MSR1: variants seen among roughly 807,000 people sequenced by gnomAD.
The protein encoded by MSR1 is macrophage scavenger receptor 1, also known as macrophage scavenger receptor types I and II.
MSR1 carries 53 observed loss-of-function variants against 47.2 expected under a neutral mutation model. The observed-to-expected ratio is 1.12, with a 90% CI of 0.90 to 1.41. MSR1 has a LOEUF of 1.41. MSR1 is among the 40% of genes most tolerant of loss of function. MSR1 has a pLI of 0.00. For missense variants in MSR1, 786 were observed against 546.9 expected, an observed-to-expected ratio of 1.44 and a Z score of -4.36; for synonymous variants, 239 against 185.6, an observed-to-expected ratio of 1.29 and a Z score of -2.34.
intron 7 of MSR1, among the ~76,000 whole-genome samples, chr8:16,146,254 T>A (rs1326072970): frequency 6.6e-6 from 1 of 152,052 alleles, no homozygotes; most frequent in African/African-American, 2.4e-5. Flanking sequence ...CCTCACCTTA[T>A]AACCACTCAT....
chr8:16,164,563 A>G (rs995712961), intron 4 of MSR1, among the ~76,000 whole-genome samples: 2 of 151,938 alleles, frequency 1.3e-5, no homozygotes, highest in African/African-American at 4.8e-5. Flanking sequence ...AATAAACACC[A>G]TAAGGTCTTA....
intron 8 of MSR1, among the ~76,000 whole-genome samples, chr8:16,138,564 G>C (rs764859151): frequency 6.6e-6 from 1 of 152,060 alleles, no homozygotes. Flanking sequence ...ATTTAGTCTA[G>C]GATGTCAGAT....
intron 1 of MSR1, among the ~76,000 whole-genome samples, chr8:16,179,992 C>G (rs1801779980): frequency 6.6e-6 from 1 of 151,714 alleles, no homozygotes; most frequent in Non-Finnish European, 1.5e-5. Flanking sequence ...TCTCAGCTCA[C>G]TGCTACCATG....
chr8:16,138,459 A>G (rs1336249196), intron 8 of MSR1, among the ~76,000 whole-genome samples: 2 of 152,204 alleles, frequency 1.3e-5, no homozygotes, highest in Non-Finnish European at 2.9e-5. Flanking sequence ...AATAATTTGA[A>G]CAGGGCATTC....
intron 9 of MSR1, among the ~76,000 whole-genome samples, chr8:16,115,902 C>T (rs1170210687): frequency 2.6e-5 from 4 of 151,982 alleles, no homozygotes; most frequent in African/African-American, 4.8e-5. Flanking sequence ...GTGGGAGGAT[C>T]GCTTGAGAGC....
At position 16,164,244 on chromosome 8, in the gene MSR1, C is replaced by T. The variant is rs201900187; in HGVS notation, c.638G>A (p.Ser213Asn). Residue 213 changes from serine to asparagine, a missense_variant, in exon 5 of 10, where the codon AGT becomes AAT. Ser to Asn is a conservative substitution (Grantham distance 46). Transcript: ENST00000262101. ...ATTGTAAACACGCTCCTCTAATTTA[C>T]TGATTTCCTGTAAAACATAAGTGAG... is the stretch of plus-strand genomic sequence containing the variant. The part of the protein sequence containing the change: ...ENTFKQQEEI[S>N]KLEERVYNVS... The T allele has an allele frequency of 3.1e-5, 50 of 1,611,302 alleles. No homozygotes were observed. The East Asian group carries it at 1.1e-3, about 35-fold the overall frequency.
chr8:16,153,026 G>A (rs1800903187), intron 6 of MSR1, among the ~76,000 whole-genome samples: 1 of 151,946 alleles, frequency 6.6e-6, no homozygotes, highest in Admixed American at 6.6e-5. Flanking sequence ...ATCCACCCTA[G>A]TATATGAATA....
intron 7 of MSR1, among the ~76,000 whole-genome samples, chr8:16,147,551 C>A (rs1800734787): frequency 6.6e-6 from 1 of 152,182 alleles, no homozygotes; most frequent in Admixed American, 6.5e-5. Context: ...GTTTATATCA[C>A]AAATTGGGGT....
chr8:16,139,414 T>C, intron 8 of MSR1: 1 of 944,980 alleles, frequency 1.1e-6, no homozygotes. Context: ...GGTGTTAACA[T>C]GTTCATTATA....
At chr8:16,142,596 A>G (rs1246692243) in intron 8 of MSR1, among the ~76,000 whole-genome samples, 1 of 152,196 alleles carries the variant, frequency 6.6e-6, no homozygotes, top group East Asian at 1.9e-4. Flanking sequence ...TAAATATGTC[A>G]TACCTACACA....
intron 1 of MSR1, among the ~76,000 whole-genome samples, chr8:16,188,984 AT>A (rs1802083685): frequency 6.8e-6 from 1 of 146,072 alleles, no homozygotes; most frequent in Non-Finnish European, 1.5e-5. Context: ...ATATATATAT[AT>A]ATATATATAT....
chr8:16,178,197 C>A (rs1282887467), intron 1 of MSR1, among the ~76,000 whole-genome samples: 1 of 151,734 alleles, frequency 6.6e-6, no homozygotes, highest in Non-Finnish European at 1.5e-5. Context: ...TGGTGTGCTG[C>A]ACCCACAAAC....
rs758153273 is a variant in MSR1, at chr8:16,164,201, C to T, written c.681G>A (p.Met227Ile). The T allele has an allele frequency of 8.7e-6, 14 of 1,612,148 alleles. No homozygotes were observed. Among genetic ancestry groups the T allele is most frequent in the Non-Finnish European group, 1.0e-5 (12 of 1,179,026 alleles). The change falls in exon 5 of 10, where the codon ATG (methionine) becomes ATA (isoleucine). Residue 227 changes from methionine (M) to isoleucine (I), a missense_variant. Transcript: ENST00000262101. ...AATGCACTTGTTCTTCTTTCATAGC[C>T]ATAATTTCTGCTGATACATTGTAAA... ...ERVYNVSAEI[M>I]AMKEEQVHLE...
rs1369821824 is a variant in MSR1 at position 16,122,869 on chromosome 8, C to G, written c.1034-2263G>C. On this transcript the variant is annotated intron_variant, in intron 8 of 9. Transcript: ENST00000262101. ...TTTTTTTTTTTTTTTTTTTTTGAGA[C>G]GGAGTCTTGCTGTCTCCCAGGCTGG... 6.2e-4 allele frequency among the ~76,000 whole-genome samples: 64 copies of G among 103,382 alleles called. 2 individuals carry two copies. In the South Asian group the frequency reaches 0.025, roughly 40 times the overall value. 67.8% of individuals were successfully genotyped at this position (103,382 alleles called of 152,430 possible). A position where few individuals can be genotyped will look rare whatever the true frequency, so the allele number is the denominator to read the frequency against.
chr8:16,173,140 G>C (rs768966750), intron 3 of MSR1, among the ~76,000 whole-genome samples: 10 of 151,986 alleles, frequency 6.6e-5, no homozygotes, highest in African/African-American at 2.2e-4. Flanking sequence ...AATTTTAGTC[G>C]GTACCTACTG....
In MSR1 at chr8:16,143,551, T is replaced by A. The variant is rs1800618453; in HGVS notation, c.1033+7A>T. ...TTCACACAGAAAACAAAATACTATA[T>A]ACTTACTTAATGTGTTTCCACTCCC... On this transcript the variant is annotated splice_region_variant and intron_variant, in intron 8 of 9. Coordinates refer to ENST00000262101, the MANE Select transcript of MSR1 (RefSeq NM_138715.3). 1 of 1,610,390 alleles carries A rather than the reference T, an allele frequency of 6.2e-7. No homozygotes were observed. Among genetic ancestry groups the A allele is most frequent in the African/African-American group, 1.3e-5 (1 of 74,842 alleles).
chr8:16,172,701 T>C (rs1050501433), intron 3 of MSR1, among the ~76,000 whole-genome samples: 3 of 152,088 alleles, frequency 2.0e-5, no homozygotes, highest in African/African-American at 7.2e-5. Flanking sequence ...AAATTCTTGA[T>C]TTTTATCTTA....
At chr8:16,113,107 G>C (rs1007294144) in intron 9 of MSR1, among the ~76,000 whole-genome samples, 4 of 151,262 alleles carry the variant, frequency 2.6e-5, no homozygotes, top group African/African-American at 9.7e-5. Flanking sequence ...GCACCACCAC[G>C]CCCAGTTAAT....
At chr8:16,147,488 T>C (rs1204059230) in intron 7 of MSR1, among the ~76,000 whole-genome samples, 1 of 152,182 alleles carries the variant, frequency 6.6e-6, no homozygotes, top group African/African-American at 2.4e-5. Context: ...ATCATTCACA[T>C]AGTCCAGGCT....
Sources: allele counts gnomAD v4.1 joint callset (sites outside exome capture counted in the v4.1 genomes callset), GRCh38; gene constraint gnomAD v4.1.1; transcripts MANE v1.5; gene names NCBI Gene and HGNC (gene_info 2026-07-23, HGNC 2026-07-21).